The following DCDC1 variants were observed in gnomAD, a reference collection of about 807,000 sequenced individuals.
DCDC1 encodes the protein doublecortin domain-containing protein 1.
DCDC1 carries 200 observed loss-of-function variants against 178.3 expected under a neutral mutation model. That is an observed-to-expected ratio of 1.12 (90% CI 1.00 to 1.26). The LOEUF (loss-of-function observed/expected upper bound fraction) is 1.26. DCDC1 is among the 50% of genes most tolerant of loss of function. The pLI, the probability that DCDC1 is intolerant of heterozygous loss-of-function variation, is 0.00. For synonymous variants in DCDC1, 690 were observed against 604.8 expected, an observed-to-expected ratio of 1.14 and a Z score of -2.07; for missense variants, 1,983 against 1,749.2, an observed-to-expected ratio of 1.13 and a Z score of -2.38.
intron 9 of DCDC1, among the ~76,000 whole-genome samples, chr11:31,177,999 A>G (rs1017483975): frequency 5.3e-5 from 8 of 152,232 alleles, no homozygotes; most frequent in African/African-American, 1.9e-4. Context: ...ACAAAGTAAC[A>G]TCAGACTTAA....
At chr11:30,978,551 A>C (rs1010433328) in intron 20 of DCDC1, among the ~76,000 whole-genome samples, 2 of 152,172 alleles carry the variant, frequency 1.3e-5, no homozygotes, top group African/African-American at 4.8e-5. Context: ...CCATGCATAG[A>C]ATGTGTAATG....
At chr11:31,176,002 G>A (rs1343089697) in intron 9 of DCDC1, among the ~76,000 whole-genome samples, 2 of 152,092 alleles carry the variant, frequency 1.3e-5, no homozygotes, top group African/African-American at 4.8e-5. Flanking sequence ...AAAAAGCAAG[G>A]AAATGTGATA....
intron 34 of DCDC1, among the ~76,000 whole-genome samples, chr11:30,895,457 A>C (rs544215127): frequency 2.0e-5 from 3 of 152,322 alleles, no homozygotes; most frequent in African/African-American, 7.2e-5. Flanking sequence ...CTAAAATGAA[A>C]TTGAGTCTCA....
At chr11:31,076,220 A>T (rs539663210) in intron 18 of DCDC1, among the ~76,000 whole-genome samples, 1 of 151,898 alleles carries the variant, frequency 6.6e-6, no homozygotes, top group South Asian at 2.1e-4. Flanking sequence ...AATTCCAAAG[A>T]CCTGTGTTCA....
Position 31,198,211 on chromosome 11 carries a change from C to A in DCDC1, c.1221+43239G>T, listed in dbSNP as rs572587107. On this transcript the variant is annotated intron_variant, in intron 9 of 38. Transcript: ENST00000684477. The stretch of plus-strand genomic sequence containing the variant: ...AAAGGGTTGTCATGGAGTTAGTAAT[C>A]ATTCACCCTACCACTTCAATTTTAG... 3.9e-5 allele frequency among the ~76,000 whole-genome samples: 6 copies of A among 152,042 alleles called. No individual in the cohort carries two copies. In the South Asian group the frequency reaches 1.2e-3, roughly 32 times the overall value.
At position 30,913,609 on chromosome 11, in the gene DCDC1, A is replaced by G. The variant is rs138614244; in HGVS notation, c.3653+1902T>C. Among the ~76,000 whole-genome samples the G allele has an allele frequency of 8.3e-4, 127 of 152,176 alleles. 1 individual carries two copies. The highest frequency in any genetic ancestry group is 2.9e-3 in the African/African-American group (119 of 41,512). Reference sequence around the variant, plus strand: ...CTGCCTCTCTTTTCCGTGTCTTGACATGAGGAGCTCCCAAGATGACAAAAG... The same window carrying G: ...CTGCCTCTCTTTTCCGTGTCTTGACGTGAGGAGCTCCCAAGATGACAAAAG... On this transcript the variant is annotated intron_variant, in intron 27 of 38. Transcript: ENST00000684477.
At chr11:31,211,195 GTAT>G (rs1972491271) in intron 9 of DCDC1, among the ~76,000 whole-genome samples, 1 of 152,132 alleles carries the variant, frequency 6.6e-6, no homozygotes, top group Non-Finnish European at 1.5e-5. Context: ...GAGCTAGACT[GTAT>G]TTCTCACACT....
intron 1 of DCDC1, among the ~76,000 whole-genome samples, chr11:31,345,614 A>G (rs1453916097): frequency 6.6e-6 from 1 of 152,154 alleles, no homozygotes; most frequent in Non-Finnish European, 1.5e-5. Flanking sequence ...AGATGAAAAC[A>G]TCAAGCATAT....
At chr11:31,082,425 C>G (rs1369647485) in intron 17 of DCDC1, among the ~76,000 whole-genome samples, 1 of 152,050 alleles carries the variant, frequency 6.6e-6, no homozygotes, top group African/African-American at 2.4e-5. Flanking sequence ...TCCAAGTGTT[C>G]TCATTTTACA....
At position 31,281,110 on chromosome 11, in the gene DCDC1, A is replaced by T. The variant is rs1001281418; in HGVS notation, c.960+9537T>A. The T allele has an allele frequency of 1.6e-5, 6 of 367,398 alleles. No individual in the cohort carries two copies. The Admixed American group carries it at 2.1e-4, about 13-fold the overall frequency. The allele number at this position is 367,398 out of a possible 1,614,324, so 22.8% of individuals were successfully genotyped here. A position where few individuals can be genotyped will look rare whatever the true frequency, so the allele number is the denominator to read the frequency against. ...AATTTCACTGACCTTGTATCCTGCA[A>T]ACTTGCTGAATGTATTCCTTAGTTC... is the stretch of plus-strand genomic sequence containing the variant. On this transcript the variant is annotated intron_variant, in intron 7 of 38. Coordinates refer to ENST00000684477, the MANE Select transcript of DCDC1 (RefSeq NM_001387274.1).
chr11:31,174,547 C>T (rs1040478287), intron 9 of DCDC1, among the ~76,000 whole-genome samples: 4 of 152,140 alleles, frequency 2.6e-5, no homozygotes, highest in East Asian at 1.9e-4. Flanking sequence ...ATGGGTCTCT[C>T]GTGAAGCCCC....
intron 20 of DCDC1, among the ~76,000 whole-genome samples, chr11:31,023,934 C>A (rs920500572): frequency 1.1e-4 from 16 of 151,888 alleles, no homozygotes; most frequent in African/African-American, 3.9e-4. Context: ...TCAATATGCT[C>A]ACTAGTTGCT....
intron 20 of DCDC1, among the ~76,000 whole-genome samples, chr11:31,045,754 C>A (rs1380778181): frequency 6.6e-6 from 1 of 152,060 alleles, no homozygotes; most frequent in Non-Finnish European, 1.5e-5. Context: ...TTCCTTTCCA[C>A]AGAGCTCTCC....
At chr11:31,087,440 A>C (rs1057154144) in intron 17 of DCDC1, among the ~76,000 whole-genome samples, 1 of 151,874 alleles carries the variant, frequency 6.6e-6, no homozygotes, top group Non-Finnish European at 1.5e-5. Context: ...AGCTGAAGTC[A>C]TTGATTTAAT....
rs1050610230 is a variant in DCDC1 at position 30,913,419 on chromosome 11, C to A, written c.3654-1999G>T. On this transcript the variant is annotated intron_variant, in intron 27 of 38. Transcript: ENST00000684477. ...GACTCTGTCTCAAAAAAAAAACAAA[C>A]AAAAAAAACTATTTTGTTCAAGTCT... Among the ~76,000 whole-genome samples the A allele has an allele frequency of 9.6e-4, 146 of 151,574 alleles. 1 individual carries two copies. The highest frequency in any genetic ancestry group is 1.9e-3 in the Non-Finnish European group (130 of 67,798).
intron 1 of DCDC1, among the ~76,000 whole-genome samples, chr11:31,340,888 G>A (rs1410099815): frequency 6.6e-6 from 1 of 152,128 alleles, no homozygotes; most frequent in Non-Finnish European, 1.5e-5. Context: ...ATTACAGAAT[G>A]AGTAGATAGA....
At chr11:30,944,798 TG>T (rs1457793602) in intron 21 of DCDC1, among the ~76,000 whole-genome samples, 1 of 152,060 alleles carries the variant, frequency 6.6e-6, no homozygotes, top group African/African-American at 2.4e-5. Context: ...TCTTTCCTTT[TG>T]GTTTACAAGT....
At chr11:31,357,252 C>A (rs1459261895) in intron 1 of DCDC1, among the ~76,000 whole-genome samples, 3 of 151,932 alleles carry the variant, frequency 2.0e-5, no homozygotes, top group East Asian at 1.9e-4. Context: ...ATCAAGTGGG[C>A]TTCATCCCTG....
At chr11:31,130,377 A>G (rs1416453763) in intron 10 of DCDC1, among the ~76,000 whole-genome samples, 1 of 152,174 alleles carries the variant, frequency 6.6e-6, no homozygotes, top group Non-Finnish European at 1.5e-5. Context: ...GAAGTAACAT[A>G]TGCCACTTCT....
Sources: allele counts gnomAD v4.1 joint callset (sites outside exome capture counted in the v4.1 genomes callset), GRCh38; gene constraint gnomAD v4.1.1; transcripts MANE v1.5; gene names NCBI Gene and HGNC (gene_info 2026-07-23, HGNC 2026-07-21).